Variants in PCGF5 observed in about 807,000 individuals in gnomAD.
PCGF5 encodes the protein polycomb group ring finger 5, also known as polycomb group RING finger protein 5.
A neutral mutation model predicts 44.3 loss-of-function variants in PCGF5; 9 were observed. The ratio of observed to expected loss-of-function variants is 0.20; its 90% CI spans 0.12 to 0.35. The LOEUF (loss-of-function observed/expected upper bound fraction) is 0.35, where lower values mean the gene tolerates loss of function less well. Ranked by LOEUF, PCGF5 falls within the 10% of genes least tolerant of loss-of-function variation. The pLI, the probability that PCGF5 is intolerant of heterozygous loss-of-function variation, is 1.00. For missense variants in PCGF5, 146 were observed against 305.3 expected (o/e 0.48, Z 3.89); for synonymous variants, 95 against 102.5 (o/e 0.93, Z 0.44).
At chr10:91,244,601 A>G (rs992648042) in intron 3 of PCGF5, among the ~76,000 whole-genome samples, 2 of 152,212 alleles carry the variant, frequency 1.3e-5, no homozygotes, top group Non-Finnish European at 2.9e-5. Context: ...CACCGCGCGT[A>G]TAACAAGGCA....
chr10:91,244,762 GGATAAA>G (rs753132706), intron 3 of PCGF5, among the ~76,000 whole-genome samples: 80 of 152,126 alleles, frequency 5.3e-4, no homozygotes, highest in Non-Finnish European at 9.1e-4. Context: ...ATAGGATATG[GGATAAA>G]GAAAAGAGTT....
intron 1 of PCGF5, among the ~76,000 whole-genome samples, chr10:91,186,198 C>T (rs1009295801): frequency 6.6e-6 from 1 of 152,160 alleles, no homozygotes; most frequent in Non-Finnish European, 1.5e-5. Context: ...CAGCTGTACC[C>T]TCAGGTTGCC....
intron 7 of PCGF5, among the ~76,000 whole-genome samples, chr10:91,264,158 T>G (rs1845992665): frequency 6.6e-6 from 1 of 152,150 alleles, no homozygotes; most frequent in African/African-American, 2.4e-5. Context: ...TAAGAAAGGT[T>G]ACATTGCATT....
chr10:91,166,436 A>G lies in PCGF5; in HGVS notation c.-184+3355A>G, dbSNP rs565660829. 3.9e-5 allele frequency among the ~76,000 whole-genome samples: 6 copies of G among 152,360 alleles called. No homozygotes were observed. The South Asian group carries it at 1.2e-3, about 32-fold the overall frequency. Reference sequence around the variant, plus strand: ...GCAGGAAAACATATCTCCTTTCCACATTGAAGAAGTTTTCTGACAACAGAA... The same window carrying G: ...GCAGGAAAACATATCTCCTTTCCACGTTGAAGAAGTTTTCTGACAACAGAA... On this transcript the variant is annotated intron_variant, in intron 1 of 9. Transcript: ENST00000614189.
chr10:91,195,465 TGCATGCATATATATATATATAGAG>T (rs1844114032), intron 1 of PCGF5, among the ~76,000 whole-genome samples: 3 of 100,142 alleles, frequency 3.0e-5, no homozygotes, highest in African/African-American at 9.8e-5. Flanking sequence ...TATATATATA[TGCATGCATATATATATATATAGAG>T]AGAGAGAGAG....
upstream of PCGF5, among the ~76,000 whole-genome samples, chr10:91,159,591 A>G (rs1242468536): frequency 6.6e-6 from 1 of 152,244 alleles, no homozygotes; most frequent in African/African-American, 2.4e-5. Flanking sequence ...TCATACTTCC[A>G]GCCTCCAGAA....
chr10:91,193,774 T>A (rs1190221010), intron 1 of PCGF5, among the ~76,000 whole-genome samples: 3 of 151,946 alleles, frequency 2.0e-5, no homozygotes, highest in African/African-American at 7.3e-5. Context: ...TAGACTCTAG[T>A]AGACTGTAAA....
Position 91,248,580 on chromosome 10 carries a change from C to T in PCGF5, c.265+20C>T, listed in dbSNP as rs755120461. ...GAGAACGTAAGTGGCTCTTTAGGTT[C>T]TTGCAGACTTTTGTGTTTTATGAAA... is the stretch of plus-strand genomic sequence containing the variant. On this transcript the variant is annotated intron_variant, in intron 4 of 9. Transcript: ENST00000336126. 14 of 1,610,288 alleles carry T rather than the reference C, an allele frequency of 8.7e-6. No individual in the cohort carries two copies. Among genetic ancestry groups the T allele is most frequent in the Non-Finnish European group, 1.2e-5 (14 of 1,177,190 alleles).
At chr10:91,229,553 A>G (rs1397839165) in intron 2 of PCGF5, among the ~76,000 whole-genome samples, 2 of 152,128 alleles carry the variant, frequency 1.3e-5, no homozygotes, top group East Asian at 3.8e-4. Context: ...TCTACATAAT[A>G]TATGTTATGA....
intron 9 of PCGF5, 132 bp from the exon 10 acceptor site, chr10:91,278,137 T>G (rs1846362135): frequency 1.4e-6 from 1 of 725,290 alleles, no homozygotes. Context: ...TAACTCAAAT[T>G]TTAACTGTTG....
At chr10:91,257,071 C>G (rs576575094) in intron 6 of PCGF5, among the ~76,000 whole-genome samples, 224 of 152,064 alleles carry the variant, frequency 1.5e-3, no homozygotes, top group African/African-American at 5.1e-3. Context: ...TCTGATAAGC[C>G]TTTAATGTAC....
chr10:91,268,056 CT>C (rs1846087444), intron 8 of PCGF5, among the ~76,000 whole-genome samples: 1 of 151,848 alleles, frequency 6.6e-6, no homozygotes, highest in African/African-American at 2.4e-5. Context: ...CATATTTAAC[CT>C]TATTGTTTTG....
At chr10:91,160,385 G>A (rs987473834), upstream of PCGF5, among the ~76,000 whole-genome samples, 5 of 152,176 alleles carry the variant, frequency 3.3e-5, no homozygotes, top group African/African-American at 4.8e-5. Flanking sequence ...TGTTGGTGAC[G>A]GGCACAAAGC....
intron 1 of PCGF5, among the ~76,000 whole-genome samples, chr10:91,183,684 G>A (rs934460851): frequency 6.6e-6 from 1 of 152,146 alleles, no homozygotes; most frequent in Non-Finnish European, 1.5e-5. Context: ...ACTTCAGTGT[G>A]TTTCTGTAGT....
At chr10:91,250,497 CTT>C (rs56288334) in intron 5 of PCGF5, among the ~76,000 whole-genome samples, 20 of 132,084 alleles carry the variant, frequency 1.5e-4, no homozygotes, top group Middle Eastern at 3.8e-3. Context: ...CTGGTTTTTT[CTT>C]TTTTTTTTTT....
intron 1 of PCGF5, among the ~76,000 whole-genome samples, chr10:91,198,587 C>T (rs1454482623): frequency 1.3e-5 from 2 of 152,232 alleles, no homozygotes; most frequent in Admixed American, 6.5e-5. Flanking sequence ...AGAAGGCAGA[C>T]CTGCCTACGG....
At chr10:91,189,002 G>A (rs1164074187) in intron 1 of PCGF5, among the ~76,000 whole-genome samples, 2 of 152,208 alleles carry the variant, frequency 1.3e-5, no homozygotes, top group Non-Finnish European at 2.9e-5. Context: ...AGCATTTAAG[G>A]TCTACTGAGA....
chr10:91,225,280 C>A (rs1844796300), intron 2 of PCGF5, among the ~76,000 whole-genome samples: 1 of 145,150 alleles, frequency 6.9e-6, no homozygotes, highest in African/African-American at 2.5e-5. Context: ...CGATATATAT[C>A]ATATATAACA....
chr10:91,196,088 T>C (rs1234926033), intron 1 of PCGF5, among the ~76,000 whole-genome samples: 1 of 151,858 alleles, frequency 6.6e-6, no homozygotes, highest in East Asian at 1.9e-4. Context: ...AAGTCTATCA[T>C]GGGACTGCAC....
Sources: allele counts gnomAD v4.1 joint callset (sites outside exome capture counted in the v4.1 genomes callset), GRCh38; gene constraint gnomAD v4.1.1; transcripts MANE v1.5; gene names NCBI Gene and HGNC (gene_info 2026-07-23, HGNC 2026-07-21).